Variants in CPNE8 observed in about 807,000 individuals in gnomAD.
CPNE8 encodes copine 8, also known as copine-8.
A neutral mutation model predicts 81.5 loss-of-function variants in CPNE8; 45 were observed. The observed-to-expected ratio is 0.55, with a 90% CI of 0.44 to 0.71. The LOEUF is 0.71. Among genes scored for constraint, CPNE8 ranks in the 30% least tolerant of loss-of-function variants. The pLI is 0.00. For synonymous variants in CPNE8, 252 were observed against 226.3 expected (o/e 1.11, Z -1.02); for missense variants, 594 against 672.1 (o/e 0.88, Z 1.28).
intron 6 of CPNE8, among the ~76,000 whole-genome samples, chr12:38,782,848 CG>C (rs1565612553): frequency 6.6e-6 from 1 of 151,742 alleles, no homozygotes; most frequent in Non-Finnish European, 1.5e-5. Context: ...GCTCAGCTAA[CG>C]TTTTTTCATT....
At chr12:38,686,624 C>G (rs1012272308) in intron 15 of CPNE8, among the ~76,000 whole-genome samples, 4 of 152,202 alleles carry the variant, frequency 2.6e-5, no homozygotes, top group Admixed American at 2.0e-4. Flanking sequence ...CCAGAAGCAG[C>G]TCAGCACGGT....
Position 38,844,333 on chromosome 12 carries a change from G to A in CPNE8, c.290+4226C>T, listed in dbSNP as rs781464500. Among the ~76,000 whole-genome samples the A allele has an allele frequency of 1.1e-4, 17 of 152,022 alleles. 1 individual carries two copies. Among genetic ancestry groups the A allele is most frequent in the Non-Finnish European group, 2.4e-4 (16 of 68,008 alleles). ...GGCTATCCACACTTCCTGCTCAAAC[G>A]CATTTTGGTACAGCTACTCTACCAA... On this transcript the variant is annotated intron_variant, in intron 4 of 19. Transcript: ENST00000331366.
At chr12:38,803,009 T>C (rs1942717740) in intron 6 of CPNE8, among the ~76,000 whole-genome samples, 1 of 119,306 alleles carries the variant, frequency 8.4e-6, no homozygotes, top group Non-Finnish European at 1.7e-5. Context: ...ATTGTGGCAA[T>C]AATCAATAGT....
chr12:38,789,358 A>G (rs1301148272), intron 6 of CPNE8, among the ~76,000 whole-genome samples: 1 of 151,894 alleles, frequency 6.6e-6, no homozygotes, highest in Non-Finnish European at 1.5e-5. Flanking sequence ...GGGAAAAGAC[A>G]GTCTGTTCAA....
rs573761750 is a variant in CPNE8 at position 38,653,176 on chromosome 12, T to C, written c.*706A>G. 1.3e-4 allele frequency: 20 copies of C among 152,614 alleles called. No homozygotes were observed. Among genetic ancestry groups the C allele is most frequent in the Middle Eastern group, 3.4e-3 (1 of 294 alleles). The allele number at this position is 152,614 out of a possible 1,614,324, so 9.5% of individuals were successfully genotyped here. ...TACAAAATACAAACCAACTGCAGTCTAAATTTAGAACCCAAACTCCATGAA... is the reference window on the plus strand; with the variant it reads ...TACAAAATACAAACCAACTGCAGTCCAAATTTAGAACCCAAACTCCATGAA... On this transcript the variant is annotated 3_prime_UTR_variant, in exon 20 of 20. Coordinates refer to ENST00000331366, the MANE Select transcript of CPNE8 (RefSeq NM_153634.3).
chr12:38,718,564 G>T (rs1186512321), intron 13 of CPNE8, among the ~76,000 whole-genome samples: 3 of 152,106 alleles, frequency 2.0e-5, no homozygotes, highest in Non-Finnish European at 4.4e-5. Context: ...AAAGGGTAAG[G>T]ATATGGTAAA....
At chr12:38,893,269 T>C (rs1944339340) in intron 1 of CPNE8, among the ~76,000 whole-genome samples, 1 of 152,164 alleles carries the variant, frequency 6.6e-6, no homozygotes, top group South Asian at 2.1e-4. Flanking sequence ...AGGCATTTAG[T>C]CACAGAATAA....
At chr12:38,792,298 T>G (rs1346130594) in intron 6 of CPNE8, among the ~76,000 whole-genome samples, 9 of 52,242 alleles carry the variant, frequency 1.7e-4, no homozygotes, top group African/African-American at 4.7e-4. Flanking sequence ...AAACTAAGAG[T>G]TTTTTTTTTT....
In CPNE8 at chr12:38,817,688, A is replaced by C. The variant is rs538205813; in HGVS notation, c.407+11691T>G. ...TCCCAGGCTGGAGTGCAGTGGTTCG[A>C]TCTCAGCTCACTGCAAGCTCCGCCT... On this transcript the variant is annotated intron_variant, in intron 6 of 19. Transcript: ENST00000331366. 8.0e-5 allele frequency among the ~76,000 whole-genome samples: 10 copies of C among 124,926 alleles called. No individual in the cohort carries two copies. The South Asian group carries it at 2.5e-3, about 32-fold the overall frequency. 82.0% of individuals were successfully genotyped at this position (124,926 alleles called of 152,430 possible).
chr12:38,828,889 T>C (rs2137020975), intron 6 of CPNE8, among the ~76,000 whole-genome samples: 1 of 152,286 alleles, frequency 6.6e-6, no homozygotes, highest in East Asian at 1.9e-4. Flanking sequence ...ATCCTAGTAA[T>C]TGAAGGTGAA....
intron 4 of CPNE8, among the ~76,000 whole-genome samples, chr12:38,845,611 T>C (rs1485381280): frequency 1.3e-5 from 2 of 151,908 alleles, no homozygotes; most frequent in Non-Finnish European, 2.9e-5. Flanking sequence ...ATAATATATA[T>C]ATATATAACT....
At chr12:38,837,676 G>A (rs1442841731) in intron 5 of CPNE8, among the ~76,000 whole-genome samples, 16 of 152,202 alleles carry the variant, frequency 1.1e-4, no homozygotes, top group South Asian at 6.2e-4. Flanking sequence ...AGAAATGAAT[G>A]TTTCAAGAAC....
chr12:38,659,628 A>G (rs1938904262), intron 19 of CPNE8, among the ~76,000 whole-genome samples: 1 of 152,214 alleles, frequency 6.6e-6, no homozygotes, highest in South Asian at 2.1e-4. Context: ...GTATTCCAAA[A>G]TTGACCACAG....
chr12:38,855,855 T>C (rs1367904533), intron 3 of CPNE8, among the ~76,000 whole-genome samples: 3 of 152,032 alleles, frequency 2.0e-5, no homozygotes, highest in African/African-American at 7.2e-5. Context: ...GCAATTATTG[T>C]CAATTAAAAG....
intron 6 of CPNE8, among the ~76,000 whole-genome samples, chr12:38,813,000 A>G (rs1258303926): frequency 1.3e-5 from 2 of 152,208 alleles, no homozygotes; most frequent in Non-Finnish European, 1.5e-5. Flanking sequence ...GAGCAGATAC[A>G]TTGTTGTGAG....
In CPNE8 at chr12:38,851,471, C is replaced by A. The variant is rs185016230; in HGVS notation, c.187-2809G>T. Among the ~76,000 whole-genome samples the A allele has an allele frequency of 5.9e-5, 9 of 152,330 alleles. No homozygotes were observed. The East Asian group carries it at 1.5e-3, about 26-fold the overall frequency. ...CAGACCATAAATGAAAGTCATCAAT[C>A]TCAAGTCTTTCTTTTTAATCTGCCA... On this transcript the variant is annotated intron_variant, in intron 3 of 19. Transcript: ENST00000331366.
At chr12:38,899,576 C>T (rs1944431831) in intron 1 of CPNE8, among the ~76,000 whole-genome samples, 2 of 152,174 alleles carry the variant, frequency 1.3e-5, no homozygotes, top group South Asian at 4.1e-4. Flanking sequence ...TTCCAAAAGT[C>T]CATAAACAGT....
chr12:38,786,307 CA>C (rs1000211382), intron 6 of CPNE8, among the ~76,000 whole-genome samples: 35 of 152,160 alleles, frequency 2.3e-4, no homozygotes, highest in Middle Eastern at 3.4e-3. Flanking sequence ...AGGGTGCTGC[CA>C]AAAGAGATTA....
intron 6 of CPNE8, among the ~76,000 whole-genome samples, chr12:38,784,110 T>C (rs888810743): frequency 6.6e-6 from 1 of 152,126 alleles, no homozygotes; most frequent in Non-Finnish European, 1.5e-5. Flanking sequence ...GGAACTCAAA[T>C]TGAAGATGAC....
Sources: gnomAD v4.1 joint callset for allele counts (sites outside exome capture counted in the v4.1 genomes callset) on GRCh38, gnomAD v4.1.1 for gene constraint, MANE v1.5 for transcripts, NCBI Gene and HGNC (gene_info 2026-07-23, HGNC 2026-07-21) for gene names.